Variants in STIM2 observed in about 807,000 individuals in gnomAD.
The protein encoded by STIM2 is stromal interaction molecule 2.
STIM2 carries 31 observed loss-of-function variants against 85.8 expected under a neutral mutation model. The ratio of observed to expected loss-of-function variants is 0.36; its 90% CI spans 0.27 to 0.49. The LOEUF is 0.49. STIM2 is among the 20% of genes least tolerant of loss of function. The pLI is 0.98. For missense variants in STIM2, 841 were observed against 927.6 expected (o/e 0.91, Z 1.21); for synonymous variants, 356 against 331.1 (o/e 1.08, Z -0.82).
intron 2 of STIM2, among the ~76,000 whole-genome samples, chr4:26,943,935 C>T (rs1014742053): frequency 6.6e-6 from 1 of 152,028 alleles, no homozygotes; most frequent in Non-Finnish European, 1.5e-5. Flanking sequence ...TTACCAAAAA[C>T]AGTTTAATTA....
rs371036862 is a variant in STIM2, at chr4:26,897,637, A to T, written c.152-21867A>T. On this transcript the variant is annotated intron_variant, in intron 1 of 11. Coordinates refer to ENST00000467087, the MANE Select transcript of STIM2 (RefSeq NM_020860.4). The stretch of plus-strand genomic sequence containing the variant: ...ACATTTCACTTGTAAATACCTCACT[A>T]TGCATTGCTGTCCTTTATTAGGACA... Among the ~76,000 whole-genome samples the T allele has an allele frequency of 1.2e-3, 178 of 152,362 alleles. 2 individuals are homozygous for T. The South Asian group carries it at 0.036, about 31-fold the overall frequency.
intron 2 of STIM2, among the ~76,000 whole-genome samples, chr4:26,948,921 G>A (rs966278665): frequency 6.6e-6 from 1 of 152,110 alleles, no homozygotes; most frequent in African/African-American, 2.4e-5. Flanking sequence ...TCCTTGAGAA[G>A]TAAAAATGAG....
At chr4:27,007,395 C>T (rs1223313601) in intron 7 of STIM2, 138 bp from the exon 8 acceptor site, 1 of 491,488 alleles carries the variant, frequency 2.0e-6, no homozygotes, top group Non-Finnish European at 3.3e-6. Flanking sequence ...TGTATTTAGA[C>T]TTTGCAGTTT....
chr4:26,985,886 A>T lies in STIM2; in HGVS notation c.398-9493A>T, dbSNP rs950149631. Among the ~76,000 whole-genome samples the T allele has an allele frequency of 1.2e-3, 190 of 152,244 alleles. 3 individuals carry two copies. The highest frequency in any genetic ancestry group is 5.0e-4 in the Non-Finnish European group (34 of 68,044). ...CATAAATTTAGGACATAGCAGTTTT[A>T]AAAAAGTAGTATGAAAGCTATTAAA... is the stretch of plus-strand genomic sequence containing the variant. On this transcript the variant is annotated intron_variant, in intron 3 of 11. Transcript: ENST00000467087.
intron 3 of STIM2, among the ~76,000 whole-genome samples, chr4:26,972,763 T>G (rs1727011964): frequency 6.6e-6 from 1 of 152,248 alleles, no homozygotes; most frequent in African/African-American, 2.4e-5. Context: ...ATAAAATGCG[T>G]TAGGGAGGAT....
intron 1 of STIM2, among the ~76,000 whole-genome samples, chr4:26,913,896 A>T (rs183882907): frequency 6.6e-6 from 1 of 152,180 alleles, no homozygotes; most frequent in Non-Finnish European, 1.5e-5. Context: ...AAGCAAACGA[A>T]TCAACTCATA....
At chr4:26,967,759 A>G (rs1027845442) in intron 3 of STIM2, among the ~76,000 whole-genome samples, 8 of 152,044 alleles carry the variant, frequency 5.3e-5, no homozygotes, top group Middle Eastern at 3.4e-3. Flanking sequence ...TTCATCTTTT[A>G]TTCTCTTTGC....
At chr4:26,888,553 G>A (rs1249998140) in intron 1 of STIM2, among the ~76,000 whole-genome samples, 1 of 152,210 alleles carries the variant, frequency 6.6e-6, no homozygotes, top group East Asian at 1.9e-4. Context: ...CATGGTCGTA[G>A]CTGGTTTTTG....
At chr4:26,981,043 A>G in intron 3 of STIM2, among the ~76,000 whole-genome samples, 1 of 152,172 alleles carries the variant, frequency 6.6e-6, no homozygotes, top group East Asian at 1.9e-4. Context: ...ACCTACAGAA[A>G]CCCCAAGGTA....
Position 27,017,734 on chromosome 4 carries a change from T to C in STIM2, c.1513T>C (p.Ser505Pro). Residue 505 changes from serine to proline, a missense_variant, in exon 11 of 12, where the codon TCA becomes CCA. Ser to Pro is a moderately conservative substitution (Grantham distance 74). Around this residue, in one of 3 missense-constraint regions of STIM2, gnomAD observed 408 missense variants for 525.4 expected, o/e 0.78. Coordinates refer to ENST00000467087, the MANE Select transcript of STIM2 (RefSeq NM_020860.4). ...AGGGACCATGGCTAAACCTCCTGGATCATTAGCCAGAAGCAGCAGCCTGTG... is the reference window on the plus strand; with the variant it reads ...AGGGACCATGGCTAAACCTCCTGGACCATTAGCCAGAAGCAGCAGCCTGTG... The C allele has an allele frequency of 6.2e-7, 1 of 1,614,080 alleles. No individual in the cohort carries two copies. The highest frequency in any genetic ancestry group is 8.5e-7 in the Non-Finnish European group (1 of 1,180,020).
At chr4:26,862,072 C>G (rs771639555) in intron 1 of STIM2, among the ~76,000 whole-genome samples, 1 of 152,180 alleles carries the variant, frequency 6.6e-6, no homozygotes, top group Non-Finnish European at 1.5e-5. Context: ...CAAAGTGCAG[C>G]ATACTCGGGG....
At chr4:26,914,458 A>G (rs1461398035) in intron 1 of STIM2, among the ~76,000 whole-genome samples, 2 of 152,214 alleles carry the variant, frequency 1.3e-5, no homozygotes, top group African/African-American at 4.8e-5. Context: ...CTGTGCATGT[A>G]GACATGACTA....
At chr4:26,900,882 C>T (rs1680318478) in intron 1 of STIM2, among the ~76,000 whole-genome samples, 1 of 152,202 alleles carries the variant, frequency 6.6e-6, no homozygotes, top group South Asian at 2.1e-4. Flanking sequence ...CTGTAGCTTA[C>T]TGAAGCCAAG....
At chr4:26,889,208 T>C (rs1257330948) in intron 1 of STIM2, among the ~76,000 whole-genome samples, 1 of 152,236 alleles carries the variant, frequency 6.6e-6, no homozygotes, top group African/African-American at 2.4e-5. Context: ...CATTGGATGC[T>C]GATTTAGAGC....
rs577024990 is a variant in STIM2, at chr4:26,900,792, A to T, written c.152-18712A>T. Among the ~76,000 whole-genome samples, 22 of 152,282 alleles carry T rather than the reference A, an allele frequency of 1.4e-4. 1 individual carries two copies. The South Asian group carries it at 4.3e-3, about 30-fold the overall frequency. On this transcript the variant is annotated intron_variant, in intron 1 of 11. Transcript: ENST00000467087. ...AAATGGAAGGGTTTATCATTATCTCAGTATTGAAGGCTCAATATATTGCAC... is the reference window on the plus strand; with the variant it reads ...AAATGGAAGGGTTTATCATTATCTCTGTATTGAAGGCTCAATATATTGCAC...
chr4:26,890,485 G>A (rs945619954), intron 1 of STIM2, among the ~76,000 whole-genome samples: 2 of 152,070 alleles, frequency 1.3e-5, no homozygotes, highest in Admixed American at 6.5e-5. Flanking sequence ...TTGGCACATT[G>A]TTCAGCATTT....
chr4:26,990,813 A>G (rs1177717611), intron 3 of STIM2, among the ~76,000 whole-genome samples: 1 of 152,178 alleles, frequency 6.6e-6, no homozygotes, highest in Non-Finnish European at 1.5e-5. Flanking sequence ...CCAGTGGCCC[A>G]CAGGTATACG....
At chr4:26,923,245 C>T (rs949034495) in intron 2 of STIM2, among the ~76,000 whole-genome samples, 23 of 151,156 alleles carry the variant, frequency 1.5e-4, no homozygotes, top group African/African-American at 5.1e-4. Context: ...TCATCAAAGA[C>T]CAAAAGTAGA....
At chr4:26,950,337 A>G (rs1249950881) in intron 2 of STIM2, among the ~76,000 whole-genome samples, 1 of 151,924 alleles carries the variant, frequency 6.6e-6, no homozygotes, top group Non-Finnish European at 1.5e-5. Flanking sequence ...TACCTATGGT[A>G]CAATCTACAC....
Sources: gnomAD v4.1 joint callset for allele counts (sites outside exome capture counted in the v4.1 genomes callset) on GRCh38, gnomAD v4.1.1 for gene constraint, gnomAD v4.1.1 regional missense constraint, MANE v1.5 for transcripts, NCBI Gene and HGNC (gene_info 2026-07-23, HGNC 2026-07-21) for gene names.